LSAMP: variants seen among roughly 807,000 people sequenced by gnomAD.
LSAMP encodes limbic system associated membrane protein.
A neutral mutation model predicts 38.6 loss-of-function variants in LSAMP; 7 were observed. That is an observed-to-expected ratio of 0.18 (90% CI 0.10 to 0.34). The LOEUF (loss-of-function observed/expected upper bound fraction) is 0.34. LSAMP is among the 10% of genes least tolerant of loss of function. LSAMP has a pLI of 1.00. For synonymous variants in LSAMP, 154 were observed against 166.8 expected (o/e 0.92, Z 0.59); for missense variants, 313 against 420.0 (o/e 0.75, Z 2.23).
chr3:116,083,292 A>G (rs1473213651), intron 2 of LSAMP, among the ~76,000 whole-genome samples: 1 of 152,336 alleles, frequency 6.6e-6, no homozygotes, highest in Non-Finnish European at 1.5e-5. Flanking sequence ...CAACATCATC[A>G]TCAACCTACT....
At chr3:115,825,052 G>A (rs928791555) in intron 6 of LSAMP, among the ~76,000 whole-genome samples, 1 of 152,050 alleles carries the variant, frequency 6.6e-6, no homozygotes, top group Non-Finnish European at 1.5e-5. Context: ...TACGTAATAT[G>A]CCTTTTCATT....
chr3:116,272,779 G>T (rs1446729507), intron 1 of LSAMP, among the ~76,000 whole-genome samples: 3 of 152,072 alleles, frequency 2.0e-5, no homozygotes, highest in Admixed American at 6.6e-5. Flanking sequence ...TAAGTAAGTG[G>T]CAGAAAAGAC....
chr3:116,062,465 G>A (rs913554593), intron 2 of LSAMP, among the ~76,000 whole-genome samples: 2 of 152,032 alleles, frequency 1.3e-5, no homozygotes, highest in Non-Finnish European at 2.9e-5. Context: ...GCGGTGAGCC[G>A]GGATTGTGCC....
chr3:116,105,784 C>T (rs2107459545), intron 1 of LSAMP, among the ~76,000 whole-genome samples: 1 of 152,210 alleles, frequency 6.6e-6, no homozygotes, highest in East Asian at 1.9e-4. Flanking sequence ...GGCTCAGAGG[C>T]CTGACATTCC....
intron 1 of LSAMP, among the ~76,000 whole-genome samples, chr3:116,118,560 G>A (rs1024627204): frequency 6.6e-6 from 1 of 152,142 alleles, no homozygotes; most frequent in African/African-American, 2.4e-5. Flanking sequence ...AAATTTAGTA[G>A]AGTTTGCAGG....
chr3:115,947,081 AT>A (rs1938124246), intron 3 of LSAMP, among the ~76,000 whole-genome samples: 1 of 152,174 alleles, frequency 6.6e-6, no homozygotes, highest in African/African-American at 2.4e-5. Flanking sequence ...CAAAATAAGG[AT>A]TTATTAAAAT....
chr3:116,036,705 A>G (rs1377020209), intron 2 of LSAMP, among the ~76,000 whole-genome samples: 1 of 141,350 alleles, frequency 7.1e-6, no homozygotes, highest in African/African-American at 2.9e-5. Context: ...AAACAAAGAT[A>G]ATATAAGAGT....
chr3:116,416,554 C>G (rs560069038), intron 1 of LSAMP, among the ~76,000 whole-genome samples: 5 of 152,186 alleles, frequency 3.3e-5, no homozygotes, highest in African/African-American at 4.8e-5. Context: ...AGGTGACAAA[C>G]TACCTCAAAA....
intron 1 of LSAMP, among the ~76,000 whole-genome samples, chr3:116,123,710 A>G (rs969227761): frequency 1.3e-5 from 2 of 152,188 alleles, no homozygotes; most frequent in South Asian, 2.1e-4. Flanking sequence ...AGAAGTCACT[A>G]TCTGCTTTAA....
At chr3:116,051,775 A>G (rs1362987094) in intron 2 of LSAMP, among the ~76,000 whole-genome samples, 3 of 151,896 alleles carry the variant, frequency 2.0e-5, no homozygotes, top group Non-Finnish European at 4.4e-5. Context: ...CTCTCTTGTC[A>G]TGGCTACCAG....
In LSAMP at chr3:115,860,918, C is replaced by T. The variant is rs369593193; in HGVS notation, c.515-8301G>A. Reference sequence around the variant, plus strand: ...TGTGAGGACATGCACTGGGATGTGACGGGTGGTTTGAGGACTCTGGATTTG... The same window carrying T: ...TGTGAGGACATGCACTGGGATGTGATGGGTGGTTTGAGGACTCTGGATTTG... On this transcript the variant is annotated intron_variant, in intron 3 of 6. Transcript: ENST00000490035. 2.1e-3 allele frequency among the ~76,000 whole-genome samples: 323 copies of T among 152,230 alleles called. 10 individuals are homozygous for T. The South Asian group carries it at 0.062, about 29-fold the overall frequency.
chr3:115,937,618 C>A (rs371983496), intron 3 of LSAMP, among the ~76,000 whole-genome samples: 1 of 147,566 alleles, frequency 6.8e-6, no homozygotes, highest in Non-Finnish European at 1.5e-5. Context: ...TCCAGCCTGG[C>A]GATAGAGTGA....
At chr3:115,948,014 A>T (rs112182088) in intron 3 of LSAMP, among the ~76,000 whole-genome samples, 1 of 152,188 alleles carries the variant, frequency 6.6e-6, no homozygotes, top group Non-Finnish European at 1.5e-5. Flanking sequence ...TGATTGAGCT[A>T]TGCAGAAAGG....
In LSAMP at chr3:116,233,627, A is replaced by G. The variant is rs1487046132; in HGVS notation, c.156-147071T>C. On this transcript the variant is annotated intron_variant, in intron 1 of 6. Coordinates refer to ENST00000490035, the MANE Select transcript of LSAMP (RefSeq NM_002338.5). ...AACCGCTCTTTATCCCCCTCTCCCT[A>G]CTTCCCTTTCCAGCCTCTGATAATC... Among the ~76,000 whole-genome samples, 4 of 151,270 alleles carry G rather than the reference A, an allele frequency of 2.6e-5. No individual in the cohort carries two copies. The East Asian group carries it at 7.8e-4, about 29-fold the overall frequency.
intron 2 of LSAMP, among the ~76,000 whole-genome samples, chr3:116,029,421 A>C (rs57682148): frequency 0.064 from 9,777 of 152,184 alleles, 1,011 homozygotes; most frequent in African/African-American, 0.22. Context: ...TGAGGGTAGA[A>C]AAAACTCATT....
At chr3:116,435,717 G>T (rs2049341092) in intron 1 of LSAMP, among the ~76,000 whole-genome samples, 1 of 152,146 alleles carries the variant, frequency 6.6e-6, no homozygotes, top group Non-Finnish European at 1.5e-5. Flanking sequence ...GGGGAAAAAA[G>T]TTCTGCCTTC....
At chr3:116,066,974 A>C (rs983359809) in intron 2 of LSAMP, among the ~76,000 whole-genome samples, 1 of 152,318 alleles carries the variant, frequency 6.6e-6, no homozygotes, top group East Asian at 1.9e-4. Context: ...CATTTGTTAC[A>C]GAATCCCTGT....
intron 1 of LSAMP, among the ~76,000 whole-genome samples, chr3:116,110,345 G>A (rs987479441): frequency 6.6e-6 from 1 of 152,164 alleles, no homozygotes; most frequent in Non-Finnish European, 1.5e-5. Flanking sequence ...AGCAGGTCTT[G>A]CCGCTAAGGG....
In LSAMP at chr3:115,804,189, A is replaced by G. The variant is rs1461076227; in HGVS notation, c.*6128T>C. ...TTAGAAATGAAGACGGTAGAATGAT[A>G]GTTCTGAGAAGTGATGAGAATACAG... On this transcript the variant is annotated 3_prime_UTR_variant, in exon 7 of 7. Coordinates refer to ENST00000490035, the MANE Select transcript of LSAMP (RefSeq NM_002338.5). 1 of 152,238 alleles carries G rather than the reference A, an allele frequency of 6.6e-6. No individual in the cohort carries two copies. The highest frequency in any genetic ancestry group is 2.4e-5 in the African/African-American group (1 of 41,468). The allele number at this position is 152,238 out of a possible 1,614,324, so 9.4% of individuals were successfully genotyped here. A position where few individuals can be genotyped will look rare whatever the true frequency, so the allele number is the denominator to read the frequency against.
Sources: allele counts gnomAD v4.1 joint callset (sites outside exome capture counted in the v4.1 genomes callset), GRCh38; gene constraint gnomAD v4.1.1; transcripts MANE v1.5; gene names NCBI Gene and HGNC (gene_info 2026-07-23, HGNC 2026-07-21).